Variants in NLGN1 observed in about 807,000 individuals in gnomAD.
The protein encoded by NLGN1 is neuroligin-1.
NLGN1 carries 12 observed loss-of-function variants against 65.5 expected under a neutral mutation model. The ratio of observed to expected loss-of-function variants is 0.18; its 90% confidence interval spans 0.12 to 0.30. The LOEUF (loss-of-function observed/expected upper bound fraction) is 0.30. Among genes scored for constraint, NLGN1 ranks in the 10% least tolerant of loss-of-function variants. NLGN1 has a pLI of 1.00. For missense variants in NLGN1, 750 were observed against 1,007.1 expected, an observed-to-expected ratio of 0.74 and a Z score of 3.46; for synonymous variants, 350 against 359.5, an observed-to-expected ratio of 0.97 and a Z score of 0.30.
intron 3 of NLGN1, among the ~76,000 whole-genome samples, chr3:173,712,354 C>T (rs181728761): frequency 6.6e-6 from 1 of 152,266 alleles, no homozygotes; most frequent in Admixed American, 6.5e-5. Flanking sequence ...GTCTGTTTAA[C>T]TTCCAACCCT....
intron 2 of NLGN1, among the ~76,000 whole-genome samples, chr3:173,530,353 G>A (rs935154235): frequency 6.6e-6 from 1 of 152,074 alleles, no homozygotes; most frequent in Non-Finnish European, 1.5e-5. Context: ...GTCAATGAGA[G>A]GAAGGAATAA....
At chr3:173,838,657 A>G (rs1227186349) in intron 4 of NLGN1, among the ~76,000 whole-genome samples, 1 of 152,214 alleles carries the variant, frequency 6.6e-6, no homozygotes, top group Non-Finnish European at 1.5e-5. Flanking sequence ...GAATGAATGA[A>G]TGAATCACTG....
chr3:174,038,223 C>G (rs1025954526), intron 4 of NLGN1, among the ~76,000 whole-genome samples: 1 of 152,128 alleles, frequency 6.6e-6, no homozygotes. Flanking sequence ...AGTCATGGAA[C>G]TTTACTGCCC....
At chr3:173,696,978 T>C (rs1343136212) in intron 3 of NLGN1, among the ~76,000 whole-genome samples, 4 of 152,182 alleles carry the variant, frequency 2.6e-5, no homozygotes, top group Admixed American at 6.5e-5. Flanking sequence ...CTTCTGAAAA[T>C]GGGCAGTCTG....
chr3:173,445,963 C>G (rs1720189605), intron 2 of NLGN1, among the ~76,000 whole-genome samples: 1 of 152,150 alleles, frequency 6.6e-6, no homozygotes. Flanking sequence ...CTTGCCCTTA[C>G]TGTGAGCAGA....
At chr3:174,206,042 A>G (rs1735341444) in intron 4 of NLGN1, among the ~76,000 whole-genome samples, 1 of 152,198 alleles carries the variant, frequency 6.6e-6, no homozygotes, top group Admixed American at 6.5e-5. Context: ...TAGAACCCAA[A>G]ATCAAATTTA....
intron 3 of NLGN1, among the ~76,000 whole-genome samples, chr3:173,619,520 T>A (rs1202881481): frequency 6.6e-6 from 1 of 152,188 alleles, no homozygotes; most frequent in Non-Finnish European, 1.5e-5. Flanking sequence ...TAGCTACAAT[T>A]TGTATAGTGC....
At chr3:174,284,515 T>C (rs1751907921) in exon 7 of NLGN1, 1 of 151,438 alleles carries the variant, frequency 6.6e-6, no homozygotes, top group Admixed American at 6.6e-5. Flanking sequence ...TAGGCAAAGC[T>C]GCTTATAATT....
intron 1 of NLGN1, among the ~76,000 whole-genome samples, chr3:173,434,120 G>A (rs1036314982): frequency 7.2e-5 from 11 of 151,998 alleles, no homozygotes; most frequent in African/African-American, 2.7e-4. Flanking sequence ...AGAAAGTGGG[G>A]GTCAGGAGAG....
At chr3:174,227,955 A>G (rs1352642823) in intron 4 of NLGN1, among the ~76,000 whole-genome samples, 117 of 152,078 alleles carry the variant, frequency 7.7e-4, no homozygotes, top group Non-Finnish European at 7.4e-5. Context: ...TATTATTTGC[A>G]TATTATATAT....
At chr3:173,981,706 C>G (rs1399652123) in intron 4 of NLGN1, among the ~76,000 whole-genome samples, 1 of 152,032 alleles carries the variant, frequency 6.6e-6, no homozygotes, top group Non-Finnish European at 1.5e-5. Context: ...AGTGTTTCCT[C>G]TTTGTGTAGT....
intron 3 of NLGN1, among the ~76,000 whole-genome samples, chr3:173,687,551 A>G (rs544784414): frequency 4.4e-4 from 67 of 152,344 alleles, no homozygotes; most frequent in African/African-American, 1.5e-3. Context: ...TGTGAAAAAT[A>G]AAATAAAAAT....
intron 4 of NLGN1, among the ~76,000 whole-genome samples, chr3:174,163,111 T>C (rs1248758215): frequency 6.6e-6 from 1 of 151,940 alleles, no homozygotes; most frequent in South Asian, 2.1e-4. Context: ...ACTGTTTATA[T>C]TAAGGTTATT....
At chr3:173,781,402 A>G (rs1014189102) in intron 3 of NLGN1, among the ~76,000 whole-genome samples, 3 of 152,222 alleles carry the variant, frequency 2.0e-5, no homozygotes, top group Non-Finnish European at 2.9e-5. Context: ...ACAACTAAGT[A>G]TCAGAACATA....
intron 5 of NLGN1, among the ~76,000 whole-genome samples, chr3:174,277,831 T>TA (rs1323803255): frequency 7.9e-5 from 12 of 151,922 alleles, no homozygotes; most frequent in African/African-American, 2.2e-4. Context: ...AAAGAGTTTT[T>TA]ATCTCATTAA....
intron 4 of NLGN1, among the ~76,000 whole-genome samples, chr3:174,109,781 T>G (rs937885210): frequency 2.6e-5 from 4 of 152,070 alleles, no homozygotes; most frequent in African/African-American, 9.7e-5. Context: ...CCTTCCAGTT[T>G]TGTGTTTAAT....
chr3:174,242,758 A>T (rs1743127438), intron 4 of NLGN1, among the ~76,000 whole-genome samples: 1 of 152,162 alleles, frequency 6.6e-6, no homozygotes, highest in Admixed American at 6.5e-5. Context: ...ATAGAAATAA[A>T]GTGCGTAATA....
intron 3 of NLGN1, among the ~76,000 whole-genome samples, chr3:173,650,224 C>T (rs895850355): frequency 4.6e-5 from 7 of 152,048 alleles, no homozygotes; most frequent in Non-Finnish European, 1.0e-4. Flanking sequence ...TCCTACTCAT[C>T]ATTATTCACT....
At position 173,464,289 on chromosome 3, in the gene NLGN1, C is replaced by G. The variant is rs1262439420; in HGVS notation, c.-321+29211C>G. On this transcript the variant is annotated intron_variant, in intron 2 of 6. Coordinates refer to ENST00000457714, the Ensembl canonical transcript of NLGN1. ...TGTGGAAACTGATGTTTAGAGAAAT[C>G]AAGGAATCCCTAAGTTTTCCCAAAA... Among the ~76,000 whole-genome samples the G allele has an allele frequency of 3.3e-5, 5 of 152,076 alleles. No homozygotes were observed. In the East Asian group the frequency reaches 9.6e-4, roughly 29 times the overall value.
Sources: allele counts gnomAD v4.1 joint callset (sites outside exome capture counted in the v4.1 genomes callset), GRCh38; gene constraint gnomAD v4.1.1; transcripts MANE v1.5; gene names NCBI Gene and HGNC (gene_info 2026-07-23, HGNC 2026-07-21).